HSPA12A: variants seen among roughly 807,000 people sequenced by gnomAD.
HSPA12A encodes the protein heat shock protein family A (Hsp70) member 12A.
In HSPA12A, 28 loss-of-function variants were observed where a neutral mutation model predicts 69.2. The ratio of observed to expected loss-of-function variants is 0.40; its 90% CI spans 0.30 to 0.55. The LOEUF (loss-of-function observed/expected upper bound fraction) is 0.55, where lower values mean the gene tolerates loss of function less well. HSPA12A is among the 20% of genes least tolerant of loss of function. The probability of loss-of-function intolerance (pLI) is 0.38; values close to 1 mark genes in which losing one functional copy is unlikely to be tolerated. For missense variants in HSPA12A, 686 were observed against 900.7 expected (o/e 0.76, Z 3.05); for synonymous variants, 345 against 370.5 (o/e 0.93, Z 0.79).
chr10:116,727,935 G>A (rs1177605806), intron 1 of HSPA12A, among the ~76,000 whole-genome samples: 1 of 151,222 alleles, frequency 6.6e-6, no homozygotes. Flanking sequence ...TTTTTTTGGG[G>A]GGGGGACAGA....
intron 1 of HSPA12A, among the ~76,000 whole-genome samples, chr10:116,716,427 C>T (rs1442913019): frequency 3.4e-5 from 5 of 145,846 alleles, no homozygotes; most frequent in Non-Finnish European, 7.4e-5. Context: ...CTGAGTCCTC[C>T]CGAAAGGCAG....
chr10:116,780,247 A>C (rs1389722350), intron 2 of HSPA12A, among the ~76,000 whole-genome samples: 1 of 152,222 alleles, frequency 6.6e-6, no homozygotes, highest in African/African-American at 2.4e-5. Flanking sequence ...CTCTCCCTTG[A>C]GTCCAATTCT....
chr10:116,813,247 A>ATTTTTTTTTTTTTT (rs71013618), intron 2 of HSPA12A, among the ~76,000 whole-genome samples: 7 of 100,026 alleles, frequency 7.0e-5, no homozygotes, highest in Non-Finnish European at 9.5e-5. Flanking sequence ...CCAGAGCTCT[A>ATTTTTTTTTTTTTT]TTTTTTTTTT....
intron 2 of HSPA12A, among the ~76,000 whole-genome samples, chr10:116,768,476 T>C (rs1339966534): frequency 6.6e-6 from 1 of 152,200 alleles, no homozygotes; most frequent in Non-Finnish European, 1.5e-5. Context: ...ACTTGTACAC[T>C]TTAAAATGGT....
intron 1 of HSPA12A, among the ~76,000 whole-genome samples, chr10:116,711,533 A>G (rs1554883062): frequency 6.6e-6 from 1 of 152,226 alleles, no homozygotes; most frequent in Admixed American, 6.5e-5. Flanking sequence ...CACCGTTCCA[A>G]GTAGATTAAA....
intron 1 of HSPA12A, among the ~76,000 whole-genome samples, chr10:116,741,857 G>C (rs1405113677): frequency 6.6e-6 from 1 of 152,222 alleles, no homozygotes; most frequent in Non-Finnish European, 1.5e-5. Flanking sequence ...GGATGGGCGG[G>C]GAGGTGGGTG....
At chr10:116,745,167 C>T (rs782260131), upstream of HSPA12A, among the ~76,000 whole-genome samples, 6 of 152,238 alleles carry the variant, frequency 3.9e-5, no homozygotes, top group African/African-American at 7.2e-5. Context: ...AGAGCAAGAT[C>T]GTGGACTGTG....
At chr10:116,701,152 T>G (rs782421316) in intron 3 of HSPA12A, 23 bp from the exon 4 acceptor site, 1 of 1,607,956 alleles carries the variant, frequency 6.2e-7, no homozygotes, top group Non-Finnish European at 8.5e-7. Flanking sequence ...GAAGCAGAAG[T>G]TATGGGGCCT....
chr10:116,725,080 T>A (rs1259215589), intron 1 of HSPA12A, among the ~76,000 whole-genome samples: 1 of 152,204 alleles, frequency 6.6e-6, no homozygotes, highest in Non-Finnish European at 1.5e-5. Context: ...ACCCAGGACT[T>A]GAGCTGTTCC....
intron 2 of HSPA12A, among the ~76,000 whole-genome samples, chr10:116,795,630 G>A (rs1200961012): frequency 6.9e-6 from 1 of 145,212 alleles, no homozygotes; most frequent in Non-Finnish European, 1.5e-5. Context: ...AGGTTGCAAT[G>A]AGCCGAGATC....
intron 2 of HSPA12A, among the ~76,000 whole-genome samples, chr10:116,760,141 C>T (rs1489148964): frequency 2.0e-5 from 3 of 152,198 alleles, no homozygotes; most frequent in Non-Finnish European, 4.4e-5. Flanking sequence ...AGGATGAGCT[C>T]TTCCTTGAGG....
intron 2 of HSPA12A, among the ~76,000 whole-genome samples, chr10:116,785,173 C>T (rs1304813713): frequency 6.6e-6 from 1 of 152,154 alleles, no homozygotes; most frequent in Non-Finnish European, 1.5e-5. Flanking sequence ...CCCTGCATGT[C>T]CACTCTCAGA....
At chr10:116,838,451 G>A (rs755020648) in intron 1 of HSPA12A, among the ~76,000 whole-genome samples, 3 of 152,122 alleles carry the variant, frequency 2.0e-5, no homozygotes, top group Non-Finnish European at 4.4e-5. Context: ...CATTTGAAGT[G>A]GAGAAAAACA....
chr10:116,704,976 C>A (rs185647119), intron 3 of HSPA12A, among the ~76,000 whole-genome samples, 175 bp downstream of exon 3: 52 of 152,326 alleles, frequency 3.4e-4, no homozygotes, highest in Admixed American at 1.2e-3. Flanking sequence ...AAACCAGGAG[C>A]CTAGAGCCCA....
At chr10:116,806,802 C>G (rs1021402827) in intron 2 of HSPA12A, among the ~76,000 whole-genome samples, 3 of 152,222 alleles carry the variant, frequency 2.0e-5, no homozygotes, top group Non-Finnish European at 4.4e-5. Flanking sequence ...AGGGGATTGA[C>G]CCGTGGCCCC....
At position 116,723,994 on chromosome 10, in the gene HSPA12A, C is replaced by T. The variant is rs574186241; in HGVS notation, c.41-16709G>A. On this transcript the variant is annotated intron_variant, in intron 1 of 11. Transcript: ENST00000369209. The surrounding 1 kb of genome is among the most constrained non-coding windows in gnomAD (Gnocchi z 4.1). ...CTGCATGGCCCCAACAGAGGCGTAT[C>T]GGGCAGCACTGGCCGGAACTTTAGA... Among the ~76,000 whole-genome samples, 3 of 152,358 alleles carry T rather than the reference C, an allele frequency of 2.0e-5. No individual in the cohort carries two copies. Among genetic ancestry groups the T allele is most frequent in the South Asian group, 2.1e-4 (1 of 4,828 alleles).
At chr10:116,736,276 C>T (rs1482873325) in intron 1 of HSPA12A, among the ~76,000 whole-genome samples, 10 of 152,128 alleles carry the variant, frequency 6.6e-5, no homozygotes, top group African/African-American at 2.4e-4. Flanking sequence ...ACAATCCAAA[C>T]TCCAGGGAGG....
intron 2 of HSPA12A, among the ~76,000 whole-genome samples, chr10:116,767,787 A>G (rs1419696251): frequency 6.6e-6 from 1 of 152,166 alleles, no homozygotes; most frequent in Non-Finnish European, 1.5e-5. Context: ...GCATGATGCC[A>G]TCTGGGCTAA....
chr10:116,775,785 G>A (rs75362678), intron 2 of HSPA12A, among the ~76,000 whole-genome samples: 2,802 of 152,212 alleles, frequency 0.018, 91 homozygotes, highest in African/African-American at 0.065. Flanking sequence ...ACTCCTCCCC[G>A]AGACAGTGAC....
Sources: gnomAD v4.1 joint callset for allele counts (sites outside exome capture counted in the v4.1 genomes callset) on GRCh38, gnomAD v4.1.1 for gene constraint, Gnocchi (gnomAD v3.1) non-coding constraint, MANE v1.5 for transcripts, NCBI Gene and HGNC (gene_info 2026-07-23, HGNC 2026-07-21) for gene names.